Variants in RALGAPA2 observed in about 807,000 individuals in gnomAD.
RALGAPA2 encodes the protein Ral GTPase activating protein catalytic subunit alpha 2.
A neutral mutation model predicts 230.4 loss-of-function variants in RALGAPA2; 139 were observed. That is an observed-to-expected ratio of 0.60 (90% confidence interval 0.53 to 0.69). RALGAPA2 has a LOEUF of 0.69. Ranked by LOEUF, RALGAPA2 falls within the 30% of genes least tolerant of loss-of-function variation. The probability of loss-of-function intolerance (pLI) is 0.00; values close to 1 mark genes in which losing one functional copy is unlikely to be tolerated. For missense variants in RALGAPA2, 2,163 were observed against 2,276.0 expected (o/e 0.95, Z 1.01); for synonymous variants, 847 against 837.8 (o/e 1.01, Z -0.19).
rs1406164489 is a variant in RALGAPA2 at position 20,406,406 on chromosome 20, C to A, written c.5617+5621G>T. On this transcript the variant is annotated intron_variant, in intron 38 of 39. Coordinates refer to ENST00000202677, the MANE Select transcript of RALGAPA2 (RefSeq NM_020343.4). ...ATCTTAAATTGGAAAAAAATCAAAG[C>A]AAAAGTGGTCAGAATCAAGCCGGTT... Among the ~76,000 whole-genome samples the A allele has an allele frequency of 4.6e-5, 7 of 152,070 alleles. 1 individual carries two copies. Among genetic ancestry groups the A allele is most frequent in the Admixed American group, 4.6e-4 (7 of 15,278 alleles).
chr20:20,694,048 G>T (rs993539916), intron 1 of RALGAPA2, among the ~76,000 whole-genome samples: 1 of 151,938 alleles, frequency 6.6e-6, no homozygotes, highest in African/African-American at 2.4e-5. Flanking sequence ...AGGTTGCAGT[G>T]AGCCATGATT....
intron 1 of RALGAPA2, among the ~76,000 whole-genome samples, chr20:20,700,373 C>T (rs939125390): frequency 2.0e-5 from 3 of 152,004 alleles, no homozygotes; most frequent in Non-Finnish European, 4.4e-5. Flanking sequence ...ATGTGGATGA[C>T]GGGATCCATA....
intron 36 of RALGAPA2, among the ~76,000 whole-genome samples, chr20:20,492,086 G>A (rs1202111287): frequency 6.6e-6 from 1 of 152,172 alleles, no homozygotes; most frequent in Non-Finnish European, 1.5e-5. Context: ...CTGCCTGTAA[G>A]CTTGTATTAC....
intron 38 of RALGAPA2, among the ~76,000 whole-genome samples, chr20:20,404,918 A>G (rs182970865): frequency 3.3e-5 from 5 of 152,028 alleles, no homozygotes; most frequent in Admixed American, 3.3e-4. Flanking sequence ...TATTCTGGGA[A>G]CCTATGAATA....
At chr20:20,628,392 T>A (rs948571679) in intron 10 of RALGAPA2, among the ~76,000 whole-genome samples, 2 of 152,196 alleles carry the variant, frequency 1.3e-5, no homozygotes, top group Non-Finnish European at 2.9e-5. Context: ...AAAACAACTA[T>A]TCCACCTCAT....
chr20:20,686,517 G>A (rs888803434), intron 1 of RALGAPA2, among the ~76,000 whole-genome samples: 1 of 150,052 alleles, frequency 6.7e-6, no homozygotes, highest in African/African-American at 2.5e-5. Flanking sequence ...GGACGACAGA[G>A]TGAGACTACA....
chr20:20,632,248 T>C lies in RALGAPA2; in HGVS notation c.1006-2658A>G, dbSNP rs191192330. On this transcript the variant is annotated intron_variant, in intron 9 of 39. Coordinates refer to ENST00000202677, the MANE Select transcript of RALGAPA2 (RefSeq NM_020343.4). ...GGTTTCACCGTGTTAGCCAGGATGG[T>C]CTCGATCTCCTGACCTCGTGATCCG... is the stretch of plus-strand genomic sequence containing the variant. Among the ~76,000 whole-genome samples, 17 of 152,146 alleles carry C rather than the reference T, an allele frequency of 1.1e-4. No homozygotes were observed. The East Asian group carries it at 2.7e-3, about 24-fold the overall frequency.
chr20:20,496,288 G>T (rs1437959897), intron 35 of RALGAPA2, among the ~76,000 whole-genome samples: 1 of 152,116 alleles, frequency 6.6e-6, no homozygotes, highest in Non-Finnish European at 1.5e-5. Flanking sequence ...GCTCTGTCAG[G>T]TGTAAGAACA....
chr20:20,472,809 C>T lies in RALGAPA2; in HGVS notation c.5495+20G>A, dbSNP rs377133287. 3 of 1,605,596 alleles carry T rather than the reference C, an allele frequency of 1.9e-6. No individual in the cohort carries two copies. Among genetic ancestry groups the T allele is most frequent in the Admixed American group, 3.5e-5 (2 of 57,776 alleles). ...ATTCTGGGATGGTTAGTAAGTTACA[C>T]ATTTAAAGCAAAAAGATACAAGCTC... On this transcript the variant is annotated intron_variant, in intron 37 of 39. Coordinates refer to ENST00000202677, the MANE Select transcript of RALGAPA2 (RefSeq NM_020343.4).
intron 36 of RALGAPA2, among the ~76,000 whole-genome samples, chr20:20,484,283 A>C (rs2123491688): frequency 6.6e-6 from 1 of 152,356 alleles, no homozygotes; most frequent in East Asian, 1.9e-4. Context: ...TATGAAAAGT[A>C]AAATGTGTTC....
At chr20:20,627,644 C>T (rs1302651095) in intron 10 of RALGAPA2, among the ~76,000 whole-genome samples, 1 of 152,200 alleles carries the variant, frequency 6.6e-6, no homozygotes, top group Admixed American at 6.5e-5. Flanking sequence ...ATCATGATCC[C>T]GAGAGGGCAC....
chr20:20,690,224 TTAAG>T (rs1471464868), intron 1 of RALGAPA2, among the ~76,000 whole-genome samples: 4 of 152,104 alleles, frequency 2.6e-5, no homozygotes, highest in Non-Finnish European at 2.9e-5. Context: ...CATCCAGAAC[TTAAG>T]TAATAACATA....
chr20:20,409,572 C>G (rs1377101242), intron 38 of RALGAPA2, among the ~76,000 whole-genome samples: 2 of 152,188 alleles, frequency 1.3e-5, no homozygotes, highest in Non-Finnish European at 2.9e-5. Context: ...CTTGGAAGAA[C>G]AGACTTCACC....
At chr20:20,454,190 A>G (rs1166463781) in intron 37 of RALGAPA2, among the ~76,000 whole-genome samples, 2 of 152,254 alleles carry the variant, frequency 1.3e-5, no homozygotes, top group Admixed American at 1.3e-4. Flanking sequence ...CAGATTAGTG[A>G]AAGTGGCCTT....
At chr20:20,630,165 TAA>T (rs1281472368) in intron 9 of RALGAPA2, among the ~76,000 whole-genome samples, 2 of 152,206 alleles carry the variant, frequency 1.3e-5, no homozygotes, top group African/African-American at 4.8e-5. Context: ...TTTAAACATT[TAA>T]AAGACTTTAG....
chr20:20,534,279 C>T (rs563532379), intron 26 of RALGAPA2, among the ~76,000 whole-genome samples: 5 of 152,090 alleles, frequency 3.3e-5, no homozygotes, highest in African/African-American at 7.2e-5. Context: ...CCCGTCTCTA[C>T]TAAAAATACA....
chr20:20,415,087 C>A (rs749632450), intron 37 of RALGAPA2, among the ~76,000 whole-genome samples: 2 of 152,200 alleles, frequency 1.3e-5, no homozygotes, highest in Admixed American at 1.3e-4. Flanking sequence ...AAAAACACAG[C>A]GCTGGGATCT....
At chr20:20,463,512 C>A (rs2061348631) in intron 37 of RALGAPA2, among the ~76,000 whole-genome samples, 1 of 152,058 alleles carries the variant, frequency 6.6e-6, no homozygotes, top group Non-Finnish European at 1.5e-5. Flanking sequence ...ATTTAGACTA[C>A]TTTGTGCTTT....
chr20:20,442,265 C>T (rs2060755564), intron 37 of RALGAPA2, among the ~76,000 whole-genome samples: 1 of 152,232 alleles, frequency 6.6e-6, no homozygotes, highest in Admixed American at 6.5e-5. Context: ...TCACATCGTA[C>T]ACATTGTAAG....
Sources: gnomAD v4.1 joint callset for allele counts (sites outside exome capture counted in the v4.1 genomes callset) on GRCh38, gnomAD v4.1.1 for gene constraint, MANE v1.5 for transcripts, NCBI Gene and HGNC (gene_info 2026-07-23, HGNC 2026-07-21) for gene names.